The following SKOR1 variants were observed in gnomAD, a reference collection of about 807,000 sequenced individuals.
SKOR1 encodes SKI family transcriptional corepressor 1, also known as LBX1 corepressor 1.
SKOR1 carries 38 observed loss-of-function variants against 72.4 expected under a neutral mutation model. That is an observed-to-expected ratio of 0.52 (90% CI 0.40 to 0.69). The LOEUF is 0.69. Ranked by LOEUF, SKOR1 falls within the 30% of genes least tolerant of loss-of-function variation. The probability of loss-of-function intolerance (pLI) is 0.00; values close to 1 mark genes in which losing one functional copy is unlikely to be tolerated. For missense variants in SKOR1, 1,320 were observed against 1,343.2 expected (o/e 0.98, Z 0.27); for synonymous variants, 642 against 599.4 (o/e 1.07, Z -1.04).
At chr15:67,831,904 G>GT (rs1440890348) in intron 5 of SKOR1, among the ~76,000 whole-genome samples, 20 of 104,814 alleles carry the variant, frequency 1.9e-4, no homozygotes, top group Non-Finnish European at 3.7e-4. Context: ...GCGGCGGTGC[G>GT]GGGGGGGGAG....
In SKOR1 at chr15:67,827,693, G is replaced by C. The variant is rs770438491; in HGVS notation, c.1865G>C (p.Arg622Pro). ...GAGGCGTACGGCGCGGGGCCTGCTC[G>C]GGGGCCGGGACCCGGCGCTGGGAGC... The part of the protein sequence containing the change: ...AREAYGAGPA[R>P]GPGPGAGSGG... Residue 622 changes from arginine to proline, a missense_variant, in exon 2 of 9, where the codon CGG becomes CCG. Arg to Pro is a moderately radical substitution (Grantham distance 103, BLOSUM62 -2). This residue lies in a region of SKOR1 where 1,099 missense variants were observed against 1,025.5 expected (regional missense o/e 1.07). Transcript: ENST00000380035. 10 of 1,536,784 alleles carry C rather than the reference G, an allele frequency of 6.5e-6. No individual in the cohort carries two copies. The highest frequency in any genetic ancestry group is 4.9e-5 in the South Asian group (4 of 82,448).
chr15:67,832,453 C>A lies in SKOR1; in HGVS notation c.2662+105C>A. ...GTGCCAGGCAACTGGTACTAGGTGC[C>A]CTGCAGGAGACAAGAAACTGTCCTT... On this transcript the variant is annotated intron_variant, in intron 6 of 8. Coordinates refer to ENST00000380035, the MANE Select transcript of SKOR1 (RefSeq NM_001365915.1). This position sits in a 1 kb window ranked among gnomAD's most constrained non-coding sequence, Gnocchi z 4.5. 7.3e-7 allele frequency: 1 copy of A among 1,372,106 alleles called. No individual in the cohort carries two copies. The allele number at this position is 1,372,106 out of a possible 1,614,324, so 85.0% of individuals were successfully genotyped here.
rs775129214 is a variant in SKOR1 at position 67,830,174 on chromosome 15, G to T, written c.2408-17G>T. On this transcript the variant is annotated splice_polypyrimidine_tract_variant and intron_variant, in intron 3 of 8. Transcript: ENST00000380035. ...GGTTTCTTTGCCTCTCTTGAAATTCGGTTTGTTGCCTTCAAGAGCCAGATA... is the reference window on the plus strand; with the variant it reads ...GGTTTCTTTGCCTCTCTTGAAATTCTGTTTGTTGCCTTCAAGAGCCAGATA... 1 of 1,612,732 alleles carries T rather than the reference G, an allele frequency of 6.2e-7. No homozygotes were observed. Among genetic ancestry groups the T allele is most frequent in the Non-Finnish European group, 8.5e-7 (1 of 1,178,870 alleles).
rs745379221 is a variant in SKOR1, at chr15:67,827,872, G to A, written c.2044G>A (p.Ala682Thr). ...EDAQEETEPS[A>T]PSAGGGPDGE... is the part of the protein sequence containing the mutation. ...CGCCCAAGAGGAGACCGAGCCCAGC[G>A]CACCCAGCGCAGGGGGCGGCCCAGA... The change falls in exon 2 of 9, where the codon GCA becomes ACA. Residue 682 changes from alanine (A) to threonine (T), a missense_variant. Around this residue, in one of 3 missense-constraint regions of SKOR1, gnomAD observed 1,099 missense variants for 1,025.5 expected, o/e 1.07. Transcript: ENST00000380035. 1 of 1,600,900 alleles carries A rather than the reference G, an allele frequency of 6.2e-7. No individual in the cohort carries two copies. The highest frequency in any genetic ancestry group is 2.3e-5 in the East Asian group (1 of 44,376).
In SKOR1 at chr15:67,832,451, G is replaced by A; in HGVS notation, c.2662+103G>A. The A allele has an allele frequency of 2.9e-6, 4 of 1,381,832 alleles. No individual in the cohort carries two copies. The highest frequency in any genetic ancestry group is 4.1e-6 in the Non-Finnish European group (4 of 978,284). The allele number at this position is 1,381,832 out of a possible 1,614,324, so 85.6% of individuals were successfully genotyped here. A position where few individuals can be genotyped will look rare whatever the true frequency, so the allele number is the denominator to read the frequency against. ...GGGTGCCAGGCAACTGGTACTAGGTGCCCTGCAGGAGACAAGAAACTGTCC... is the reference window on the plus strand; with the variant it reads ...GGGTGCCAGGCAACTGGTACTAGGTACCCTGCAGGAGACAAGAAACTGTCC... On this transcript the variant is annotated intron_variant, in intron 6 of 8. Coordinates refer to ENST00000380035, the MANE Select transcript of SKOR1 (RefSeq NM_001365915.1). The surrounding 1 kb of genome is among the most constrained non-coding windows in gnomAD (Gnocchi z 4.5).
At chr15:67,829,146 C>T (rs2090988883) in intron 2 of SKOR1, 33 bp from the exon 3 acceptor site, 1 of 1,512,726 alleles carries the variant, frequency 6.6e-7, no homozygotes, top group Non-Finnish European at 8.8e-7. Context: ...CAGGGCGCCA[C>T]CCTAATCGCC....
intron 5 of SKOR1, among the ~76,000 whole-genome samples, chr15:67,831,821 C>A (rs1249251439): frequency 6.7e-6 from 1 of 149,794 alleles, no homozygotes; most frequent in Admixed American, 6.8e-5. Flanking sequence ...TGCAGGCAAA[C>A]TGTTGTATGT....
Position 67,833,380 on chromosome 15 carries a change from G to A in SKOR1, c.2803+123G>A. ...TCCACGTGGATCAGGATCTGTGAGGGAGAAAAGTGGGAACTGATTTTAACG... is the reference window on the plus strand; with the variant it reads ...TCCACGTGGATCAGGATCTGTGAGGAAGAAAAGTGGGAACTGATTTTAACG... On this transcript the variant is annotated intron_variant, in intron 8 of 8. Transcript: ENST00000380035. The surrounding 1 kb of genome is among the most constrained non-coding windows in gnomAD (Gnocchi z 6.0). The A allele has an allele frequency of 2.0e-6, 2 of 1,021,138 alleles. No individual in the cohort carries two copies. Among genetic ancestry groups the A allele is most frequent in the Non-Finnish European group, 3.0e-6 (2 of 660,168 alleles). 63.3% of individuals were successfully genotyped at this position (1,021,138 alleles called of 1,614,324 possible).
At position 67,826,846 on chromosome 15, in the gene SKOR1, C is replaced by G; in HGVS notation, c.1018C>G (p.Pro340Ala). Reference protein sequence around the residue: ...EDEAAGPPGPPPPHPQRGLGL... With the variant: ...EDEAAGPPGPAPPHPQRGLGL... ...TGAGGCTGCCGGGCCTCCGGGGCCA[C>G]CTCCACCCCACCCGCAGCGCGGACT... The change falls in exon 2 of 9, where the codon CCT (proline) becomes GCT (alanine). Residue 340 changes from proline (P) to alanine (A), a missense_variant. Around this residue, in one of 3 missense-constraint regions of SKOR1, gnomAD observed 1,099 missense variants for 1,025.5 expected, o/e 1.07. Coordinates refer to ENST00000380035, the MANE Select transcript of SKOR1 (RefSeq NM_001365915.1). The G allele has an allele frequency of 6.5e-7, 1 of 1,527,414 alleles. No individual in the cohort carries two copies. The highest frequency in any genetic ancestry group is 8.8e-7 in the Non-Finnish European group (1 of 1,140,694). 94.6% of individuals were successfully genotyped at this position (1,527,414 alleles called of 1,614,324 possible). A position where few individuals can be genotyped will look rare whatever the true frequency, so the allele number is the denominator to read the frequency against.
Position 67,832,303 on chromosome 15 carries a change from A to C in SKOR1, c.2617A>C (p.Met873Leu). 1 of 1,614,092 alleles carries C rather than the reference A, an allele frequency of 6.2e-7. No individual in the cohort carries two copies. Among genetic ancestry groups the C allele is most frequent in the Non-Finnish European group, 8.5e-7 (1 of 1,180,008 alleles). Residue 873 changes from methionine (M) to leucine (L), a missense_variant, in exon 6 of 9, where the codon ATG becomes CTG. Coordinates refer to ENST00000380035, the MANE Select transcript of SKOR1 (RefSeq NM_001365915.1). This position sits in a 1 kb window ranked among gnomAD's most constrained non-coding sequence, Gnocchi z 4.5. ...EELQKLLLEQ[M>L]ELRKKLEREF... ...ATTGCAAAAACTGCTCCTGGAACAA[A>C]TGGAGCTCCGCAAGAAGCTGGAACG...
chr15:67,832,194 T>G lies in SKOR1; in HGVS notation c.2588-80T>G. On this transcript the variant is annotated intron_variant, in intron 5 of 8. Transcript: ENST00000380035. The surrounding 1 kb of genome is among the most constrained non-coding windows in gnomAD (Gnocchi z 4.5). ...ATCCTTCTCAACTCTCCTTTCAGGG[T>G]TGTTGGCCAAGGCAGAACCTGAGCT... 2 of 1,317,620 alleles carry G rather than the reference T, an allele frequency of 1.5e-6. No individual in the cohort carries two copies. Among genetic ancestry groups the G allele is most frequent in the Non-Finnish European group, 2.2e-6 (2 of 916,562 alleles). 81.6% of individuals were successfully genotyped at this position (1,317,620 alleles called of 1,614,324 possible).
chr15:67,828,956 G>T (rs1433412654), intron 2 of SKOR1, among the ~76,000 whole-genome samples: 1 of 152,218 alleles, frequency 6.6e-6, no homozygotes, highest in Admixed American at 6.5e-5. Flanking sequence ...CTTGGGAGCC[G>T]CTTTGTGTTT....
rs2091026968 is a variant in SKOR1 at position 67,833,804 on chromosome 15, A to G, written c.2866A>G (p.Asn956Asp). Residue 956 changes from asparagine to aspartate, a missense_variant, in exon 9 of 9, where the codon AAC becomes GAC. Physicochemically the swap from Asn to Asp is conservative, Grantham distance 23. Coordinates refer to ENST00000380035, the MANE Select transcript of SKOR1 (RefSeq NM_001365915.1). The surrounding 1 kb of genome is among the most constrained non-coding windows in gnomAD (Gnocchi z 6.0). Reference protein sequence around the residue: ...KMLTPRHCTGNCSFKPPLLP With the variant: ...KMLTPRHCTGDCSFKPPLLP ...GCTGACGCCCCGCCACTGCACTGGC[A>G]ACTGCTCCTTCAAGCCACCGCTGTT... 6.2e-7 allele frequency: 1 copy of G among 1,612,548 alleles called. No individual in the cohort carries two copies. The highest frequency in any genetic ancestry group is 8.5e-7 in the Non-Finnish European group (1 of 1,180,014).
At chr15:67,828,965 TTAGAG>T (rs747340916) in intron 2 of SKOR1, among the ~76,000 whole-genome samples, 40 of 152,124 alleles carry the variant, frequency 2.6e-4, no homozygotes, top group African/African-American at 9.2e-4. Context: ...CGCTTTGTGT[TTAGAG>T]TAATTTTCCC....
chr15:67,831,905 G>GC lies in SKOR1; in HGVS notation c.2588-369_2588-368insC, dbSNP rs113112763. 1.0e-4 allele frequency among the ~76,000 whole-genome samples: 14 copies of GC among 139,248 alleles called. No individual in the cohort carries two copies. The South Asian group carries it at 2.1e-3, about 21-fold the overall frequency. The allele number at this position is 139,248 out of a possible 152,430, so 91.4% of individuals were successfully genotyped here. On this transcript the variant is annotated intron_variant, in intron 5 of 8. Transcript: ENST00000380035. ...TTTATATTGAAAGGGCGGCGGTGCG[G>GC]GGGGGGGAGGTCGGGGCCGGGGCGG...
intron 5 of SKOR1, among the ~76,000 whole-genome samples, chr15:67,831,921 G>A (rs1042226895): frequency 7.6e-6 from 1 of 131,872 alleles, no homozygotes; most frequent in African/African-American, 3.0e-5. Context: ...GGAGGTCGGG[G>A]CCGGGGCGGG....
chr15:67,834,228 C>A lies in SKOR1; in HGVS notation c.*392C>A. ...CTGGCGCCTGCCCCGCACTCCCCGTCCCGTCCACTTCTGAAACTCCTGTTC... is the reference window on the plus strand; with the variant it reads ...CTGGCGCCTGCCCCGCACTCCCCGTACCGTCCACTTCTGAAACTCCTGTTC... On this transcript the variant is annotated 3_prime_UTR_variant, in exon 9 of 9. Transcript: ENST00000380035. The surrounding 1 kb of genome is among the most constrained non-coding windows in gnomAD (Gnocchi z 5.8). The A allele has an allele frequency of 3.3e-6, 1 of 302,762 alleles. No individual in the cohort carries two copies. Among genetic ancestry groups the A allele is most frequent in the South Asian group, 3.7e-5 (1 of 27,208 alleles). 18.8% of individuals were successfully genotyped at this position (302,762 alleles called of 1,614,324 possible). A position where few individuals can be genotyped will look rare whatever the true frequency, so the allele number is the denominator to read the frequency against.
chr15:67,829,741 C>T (rs979609568), intron 3 of SKOR1, among the ~76,000 whole-genome samples: 6 of 152,224 alleles, frequency 3.9e-5, no homozygotes, highest in African/African-American at 1.4e-4. Context: ...CCAGGTTCCT[C>T]ACAGAGGAGG....
At chr15:67,831,856 A>G (rs1269720453) in intron 5 of SKOR1, among the ~76,000 whole-genome samples, 1 of 137,914 alleles carries the variant, frequency 7.3e-6, no homozygotes, top group Non-Finnish European at 1.5e-5. Context: ...AAGGTGTCCA[A>G]GGCTCTGACC....
Sources: allele counts gnomAD v4.1 joint callset (sites outside exome capture counted in the v4.1 genomes callset), GRCh38; gene constraint gnomAD v4.1.1; regional missense constraint gnomAD v4.1.1; non-coding constraint Gnocchi (gnomAD v3.1); transcripts MANE v1.5; gene names NCBI Gene and HGNC (gene_info 2026-07-23, HGNC 2026-07-21).